Variants in SBNO1 observed in about 807,000 individuals in gnomAD.
The protein encoded by SBNO1 is protein strawberry notch homolog 1.
In SBNO1, 23 loss-of-function variants were observed where a neutral mutation model predicts 173.6. That is an observed-to-expected ratio of 0.13 (90% confidence interval 0.10 to 0.19). The LOEUF (loss-of-function observed/expected upper bound fraction) is 0.19. Among genes scored for constraint, SBNO1 ranks in the 10% least tolerant of loss-of-function variants. The probability of loss-of-function intolerance (pLI) is 1.00; values close to 1 mark genes in which losing one functional copy is unlikely to be tolerated. For synonymous variants in SBNO1, 632 were observed against 571.5 expected (o/e 1.11, Z -1.51); for missense variants, 1,238 against 1,671.2 (o/e 0.74, Z 4.52).
intron 15 of SBNO1, among the ~76,000 whole-genome samples, chr12:123,324,062 AAAAT>A (rs1384938379): frequency 2.0e-5 from 3 of 152,212 alleles, no homozygotes; most frequent in African/African-American, 4.8e-5. Flanking sequence ...AAAAAAGTAA[AAAAT>A]AAATAAAACT....
At chr12:123,354,794 G>A (rs1874248894) in intron 1 of SBNO1, among the ~76,000 whole-genome samples, 1 of 152,176 alleles carries the variant, frequency 6.6e-6, no homozygotes, top group African/African-American at 2.4e-5. Flanking sequence ...ATAGACCTCA[G>A]ATGACATTTA....
chr12:123,344,468 T>C (rs1409971562), intron 4 of SBNO1, among the ~76,000 whole-genome samples: 2 of 152,180 alleles, frequency 1.3e-5, no homozygotes, highest in Non-Finnish European at 2.9e-5. Context: ...TTTAATGACA[T>C]CTGTCACTTA....
Position 123,334,171 on chromosome 12 carries a change from C to T in SBNO1, c.791G>A (p.Ser264Asn). ...LRHPDAVVET[S>N]SLSSVTPPDV... ...AGGAGGAGTAACACTGGATAAAGAG[C>T]TGGTTTCCACTACAGCATCTGGATG... The change falls in exon 7 of 32, where the codon AGC becomes AAC. Residue 264 changes from serine to asparagine, a missense_variant. Transcript: ENST00000602398. 1.3e-6 allele frequency: 2 copies of T among 1,596,296 alleles called. No individual in the cohort carries two copies. The highest frequency in any genetic ancestry group is 1.7e-6 in the Non-Finnish European group (2 of 1,174,080).
chr12:123,319,823 A>T lies in SBNO1; in HGVS notation c.2799+77T>A. ...AATGGACATGACTTATATTAAAAGG[A>T]AAAAGACTCTTCTAAAGCTTAATCT... On this transcript the variant is annotated intron_variant, in intron 20 of 31. Transcript: ENST00000602398. 3.0e-6 allele frequency: 4 copies of T among 1,323,246 alleles called. No individual in the cohort carries two copies. In the South Asian group the frequency reaches 5.3e-5, roughly 18 times the overall value. The allele number at this position is 1,323,246 out of a possible 1,614,324, so 82.0% of individuals were successfully genotyped here.
intron 8 of SBNO1, 38 bp from the exon 9 acceptor site, chr12:123,330,547 T>C (rs773319921): frequency 8.8e-7 from 1 of 1,140,148 alleles, no homozygotes; most frequent in East Asian, 2.4e-5. Context: ...AAATACAAAT[T>C]ATATCATTCT....
chr12:123,303,107 T>G (rs983011840), intron 29 of SBNO1, among the ~76,000 whole-genome samples: 9 of 152,178 alleles, frequency 5.9e-5, no homozygotes, highest in African/African-American at 2.2e-4. Context: ...AATAACTACT[T>G]AACTATAATT....
chr12:123,311,136 G>C lies in SBNO1; in HGVS notation c.3221-7C>G, dbSNP rs1286965109. 6.2e-7 allele frequency: 1 copy of C among 1,606,730 alleles called. No homozygotes were observed. The highest frequency in any genetic ancestry group is 8.5e-7 in the Non-Finnish European group (1 of 1,173,442). Reference sequence around the variant, plus strand: ...ATCAGTCCTTGTCGAACATCTGTAAGAACAGGATCAATTCTGACTCATAAA... The same window carrying C: ...ATCAGTCCTTGTCGAACATCTGTAACAACAGGATCAATTCTGACTCATAAA... On this transcript the variant is annotated splice_polypyrimidine_tract_variant and splice_region_variant and intron_variant, in intron 24 of 31. Coordinates refer to ENST00000602398, the MANE Select transcript of SBNO1 (RefSeq NM_001167856.3).
intron 5 of SBNO1, among the ~76,000 whole-genome samples, chr12:123,336,971 T>C (rs1313723722): frequency 1.3e-5 from 2 of 152,142 alleles, no homozygotes; most frequent in Non-Finnish European, 2.9e-5. Flanking sequence ...CATTCCACCT[T>C]CTTCTCAGTT....
At chr12:123,341,893 A>G (rs1205049599) in intron 4 of SBNO1, among the ~76,000 whole-genome samples, 1 of 152,158 alleles carries the variant, frequency 6.6e-6, no homozygotes, top group Non-Finnish European at 1.5e-5. Context: ...TTATGGAAGT[A>G]AAGAATTAAC....
chr12:123,313,256 T>TAAA (rs1566028768), intron 24 of SBNO1, among the ~76,000 whole-genome samples: 52 of 145,164 alleles, frequency 3.6e-4, no homozygotes, highest in African/African-American at 1.2e-3. Flanking sequence ...AAATAAATAA[T>TAAA]TTTTAAAAAA....
intron 1 of SBNO1, among the ~76,000 whole-genome samples, chr12:123,355,966 T>A (rs1874417531): frequency 6.6e-6 from 1 of 152,036 alleles, no homozygotes; most frequent in African/African-American, 2.4e-5. Flanking sequence ...AGGATATAGT[T>A]CCCATTCAGA....
chr12:123,298,329 C>A (rs778949681), intron 30 of SBNO1, among the ~76,000 whole-genome samples, 158 bp from the exon 31 acceptor site: 11 of 151,958 alleles, frequency 7.2e-5, no homozygotes, highest in Non-Finnish European at 1.2e-4. Context: ...CGCAGTGGTG[C>A]GATCTCGGCT....
chr12:123,337,441 G>A (rs1339386158), intron 5 of SBNO1, among the ~76,000 whole-genome samples: 1 of 152,194 alleles, frequency 6.6e-6, no homozygotes, highest in Non-Finnish European at 1.5e-5. Flanking sequence ...TACAGGTTAA[G>A]GCAAATTAAG....
At chr12:123,363,065 AAC>A (rs1340056072) in intron 1 of SBNO1, among the ~76,000 whole-genome samples, 2 of 152,182 alleles carry the variant, frequency 1.3e-5, no homozygotes, top group African/African-American at 2.4e-5. Flanking sequence ...CAGCTTGAGC[AAC>A]AGAGTGGGAC....
chr12:123,342,869 T>C (rs1872719080), intron 4 of SBNO1, among the ~76,000 whole-genome samples: 1 of 152,216 alleles, frequency 6.6e-6, no homozygotes, highest in African/African-American at 2.4e-5. Context: ...TCAGGAGAGC[T>C]GATCAGCATT....
At chr12:123,357,668 T>C (rs1874620312) in intron 1 of SBNO1, among the ~76,000 whole-genome samples, 1 of 151,958 alleles carries the variant, frequency 6.6e-6, no homozygotes, top group Non-Finnish European at 1.5e-5. Flanking sequence ...GACAGGAGAA[T>C]AGCTTGAACC....
chr12:123,334,797 A>G (rs1353685915), intron 6 of SBNO1, among the ~76,000 whole-genome samples: 1 of 152,204 alleles, frequency 6.6e-6, no homozygotes, highest in Non-Finnish European at 1.5e-5. Context: ...CACTTGGTTC[A>G]TAACAGCAGG....
chr12:123,332,036 A>T (rs997839115), intron 7 of SBNO1, among the ~76,000 whole-genome samples: 1 of 147,598 alleles, frequency 6.8e-6, no homozygotes, highest in African/African-American at 2.5e-5. Flanking sequence ...TATTTTTAGT[A>T]GACAGGGTTT....
At chr12:123,298,521 C>T (rs1456872118) in intron 30 of SBNO1, among the ~76,000 whole-genome samples, 1 of 152,176 alleles carries the variant, frequency 6.6e-6, no homozygotes, top group African/African-American at 2.4e-5. Flanking sequence ...TCCCAAAGGG[C>T]CGGGATTACA....
Sources: allele counts gnomAD v4.1 joint callset (sites outside exome capture counted in the v4.1 genomes callset), GRCh38; gene constraint gnomAD v4.1.1; transcripts MANE v1.5; gene names NCBI Gene and HGNC (gene_info 2026-07-23, HGNC 2026-07-21).